Variants in CSPP1 observed in about 807,000 individuals in gnomAD.
CSPP1 encodes centrosome and spindle pole associated protein 1.
A neutral mutation model predicts 164.4 loss-of-function variants in CSPP1; 126 were observed. That is an observed-to-expected ratio of 0.77 (90% CI 0.66 to 0.89). CSPP1 has a LOEUF of 0.89. Ranked by LOEUF, CSPP1 falls within the 40% of genes least tolerant of loss-of-function variation. The pLI, the probability that CSPP1 is intolerant of heterozygous loss-of-function variation, is 0.00. For missense variants in CSPP1, 1,395 were observed against 1,449.8 expected (o/e 0.96, Z 0.61); for synonymous variants, 472 against 476.7 (o/e 0.99, Z 0.13).
At chr8:67,164,232 A>T (rs1828896167) in intron 23 of CSPP1, among the ~76,000 whole-genome samples, 159 bp from the exon 24 acceptor site, 1 of 152,202 alleles carries the variant, frequency 6.6e-6, no homozygotes, top group South Asian at 2.1e-4. Flanking sequence ...GTTCACAATT[A>T]TGATCCATGT....
intron 30 of CSPP1, among the ~76,000 whole-genome samples, chr8:67,194,800 G>C (rs997155364): frequency 1.3e-5 from 2 of 151,808 alleles, no homozygotes; most frequent in African/African-American, 4.8e-5. Context: ...CAATCAATCA[G>C]ATTCAATTAA....
At chr8:67,107,983 G>GTTTTTTTTTTTTTTTT (rs34204898) in intron 9 of CSPP1, among the ~76,000 whole-genome samples, 4 of 127,158 alleles carry the variant, frequency 3.1e-5, no homozygotes, top group African/African-American at 9.0e-5. Flanking sequence ...CTTTGACAAA[G>GTTTTTTTTTTTTTTTT]TTTTTTTTTT....
chr8:67,118,802 C>T lies in CSPP1; in HGVS notation c.1678C>T (p.Gln560Ter). Residue 560 changes from glutamine (Q) to a stop codon, truncating the protein, a stop_gained, in exon 15 of 31, where the codon CAA (glutamine) becomes TAA (stop). Coordinates refer to ENST00000678616, the MANE Select transcript of CSPP1 (RefSeq NM_001382391.1). LOFTEE classifies it high-confidence loss of function. ...AAYVSAPVTH[Q>*]LAQPVVNTVG... ...TTATGTTAGTGCTCCTGTCACCCACCAACTAGCACAACCTGTTGTGTAAGT... is the reference window on the plus strand; with the variant it reads ...TTATGTTAGTGCTCCTGTCACCCACTAACTAGCACAACCTGTTGTGTAAGT... 6.2e-7 allele frequency: 1 copy of T among 1,608,700 alleles called. No individual in the cohort carries two copies.
intron 15 of CSPP1, 72 bp from the exon 16 acceptor site, chr8:67,131,879 C>A: frequency 7.3e-7 from 1 of 1,368,348 alleles, no homozygotes; most frequent in Non-Finnish European, 9.9e-7. Context: ...CATGCTATTT[C>A]AAAAAACTGT....
rs1398251083 is a variant in CSPP1 at position 67,195,693 on chromosome 8, C to CTTTT, written c.*104_*107dup. 1 of 892,890 alleles carries CTTTT rather than the reference C, an allele frequency of 1.1e-6. No individual in the cohort carries two copies. Among genetic ancestry groups the CTTTT allele is most frequent in the Admixed American group, 2.6e-5 (1 of 38,652 alleles). 55.3% of individuals were successfully genotyped at this position (892,890 alleles called of 1,614,324 possible). A position where few individuals can be genotyped will look rare whatever the true frequency, so the allele number is the denominator to read the frequency against. ...ACTTTTGGCCCCTACCTGAAAGTTA[C>CTTTT]TTTTTTTCCATCATCTGTATATAAA... On this transcript the variant is annotated 3_prime_UTR_variant, in exon 31 of 31. Transcript: ENST00000678616.
chr8:67,065,559 ATTC>A lies in CSPP1; in HGVS notation c.-11+1026_-11+1028del, dbSNP rs562520677. On this transcript the variant is annotated intron_variant, in intron 1 of 30. Transcript: ENST00000678616. Reference sequence around the variant, plus strand: ...TGAGGTATTTTCTTTTCTCCATATCATTCTTCTCCCTAGGAGGTCGCTAGCTTT... The same window carrying A: ...TGAGGTATTTTCTTTTCTCCATATCATTCTCCCTAGGAGGTCGCTAGCTTT... 949 of 964,976 alleles carry A rather than the reference ATTC, an allele frequency of 9.8e-4. 12 individuals carry two copies. The African/African-American group carries it at 0.016, about 16-fold the overall frequency. 59.8% of individuals were successfully genotyped at this position (964,976 alleles called of 1,614,324 possible). A position where few individuals can be genotyped will look rare whatever the true frequency, so the allele number is the denominator to read the frequency against.
At chr8:67,089,031 A>G (rs1811068885) in intron 4 of CSPP1, among the ~76,000 whole-genome samples, 2 of 152,192 alleles carry the variant, frequency 1.3e-5, no homozygotes, top group African/African-American at 4.8e-5. Context: ...CACAGACTAT[A>G]GGGAGCTGGC....
In CSPP1 at chr8:67,120,310, G is replaced by T. The variant is rs187223862; in HGVS notation, c.1697+1489G>T. ...GAAATCAGAAAATGTGAGTGCTACA[G>T]CTTTGTTCTTTTTCAAAATTGTTTT... On this transcript the variant is annotated intron_variant, in intron 15 of 30. Coordinates refer to ENST00000678616, the MANE Select transcript of CSPP1 (RefSeq NM_001382391.1). Among the ~76,000 whole-genome samples, 9 of 152,244 alleles carry T rather than the reference G, an allele frequency of 5.9e-5. No homozygotes were observed. In the East Asian group the frequency reaches 1.7e-3, roughly 29 times the overall value.
In CSPP1 at chr8:67,168,320, G is replaced by A. The variant is rs1214213674; in HGVS notation, c.2828+3812G>A. 7.2e-4 allele frequency among the ~76,000 whole-genome samples: 107 copies of A among 149,378 alleles called. 2 individuals are homozygous for A. Among genetic ancestry groups the A allele is most frequent in the South Asian group, 1.1e-3 (5 of 4,608 alleles). ...GGGAGAGGGAGGCCGTGGGGGAGAC[G>A]GGAGAGGGGGAGGGGGAGGGGGAGA... is the stretch of plus-strand genomic sequence containing the variant. On this transcript the variant is annotated intron_variant, in intron 24 of 30. Coordinates refer to ENST00000678616, the MANE Select transcript of CSPP1 (RefSeq NM_001382391.1).
chr8:67,182,852 GA>G (rs1313655504), intron 28 of CSPP1, among the ~76,000 whole-genome samples: 1 of 152,096 alleles, frequency 6.6e-6, no homozygotes, highest in Non-Finnish European at 1.5e-5. Context: ...TGAGTTGTGG[GA>G]GTTCTTTATT....
intron 8 of CSPP1, 65 bp from the exon 9 acceptor site, chr8:67,105,840 A>G (rs1476383795): frequency 1.5e-5 from 13 of 867,112 alleles, no homozygotes; most frequent in Non-Finnish European, 2.5e-5. Flanking sequence ...TTTACTCTGA[A>G]ATTTTGCTTC....
intron 17 of CSPP1, among the ~76,000 whole-genome samples, chr8:67,145,915 G>T (rs1209475544): frequency 3.0e-4 from 45 of 151,990 alleles, no homozygotes; most frequent in Non-Finnish European, 5.9e-5. Context: ...ATTTCCCTCT[G>T]AGTACTGTTT....
At chr8:67,142,936 G>A (rs1350019881) in intron 17 of CSPP1, among the ~76,000 whole-genome samples, 1 of 152,148 alleles carries the variant, frequency 6.6e-6, no homozygotes, top group Non-Finnish European at 1.5e-5. Context: ...TGCAAAGATG[G>A]TGTAGAGAGT....
At chr8:67,188,500 C>T (rs763840393) in intron 28 of CSPP1, among the ~76,000 whole-genome samples, 1 of 152,198 alleles carries the variant, frequency 6.6e-6, no homozygotes, top group African/African-American at 2.4e-5. Flanking sequence ...GGACAATGAT[C>T]GGGATATAAA....
In CSPP1 at chr8:67,190,585, G is replaced by C. The variant is rs376628823; in HGVS notation, c.3221-65G>C. ...AAATCTTAGTAATTAAAAGGCTCTT[G>C]GTTTAGCTCTGGGTAAGATTTGAAG... On this transcript the variant is annotated intron_variant, in intron 28 of 30. Transcript: ENST00000678616. The C allele has an allele frequency of 2.3e-5, 27 of 1,190,788 alleles. No individual in the cohort carries two copies. In the African/African-American group the frequency reaches 2.6e-4, roughly 11 times the overall value. The allele number at this position is 1,190,788 out of a possible 1,614,324, so 73.8% of individuals were successfully genotyped here.
intron 16 of CSPP1, among the ~76,000 whole-genome samples, chr8:67,133,286 T>C (rs1248411371): frequency 6.6e-6 from 1 of 152,236 alleles, no homozygotes; most frequent in Admixed American, 6.5e-5. Context: ...AGAACAACCC[T>C]GCGCTTATAC....
chr8:67,126,707 A>G (rs1820143576), intron 15 of CSPP1, among the ~76,000 whole-genome samples: 1 of 152,154 alleles, frequency 6.6e-6, no homozygotes, highest in Non-Finnish European at 1.5e-5. Flanking sequence ...GTGGCTTTCT[A>G]AATTCTCAGG....
intron 4 of CSPP1, among the ~76,000 whole-genome samples, chr8:67,088,085 C>G (rs553498581): frequency 2.6e-5 from 4 of 152,200 alleles, no homozygotes; most frequent in African/African-American, 9.6e-5. Context: ...CATTATCTTC[C>G]CCTTCCCTAC....
At chr8:67,178,024 A>G (rs1351115907) in intron 27 of CSPP1, among the ~76,000 whole-genome samples, 2 of 152,222 alleles carry the variant, frequency 1.3e-5, no homozygotes, top group Non-Finnish European at 2.9e-5. Context: ...CTGTAAAATG[A>G]GGATAATAGT....
Sources: gnomAD v4.1 joint callset for allele counts (sites outside exome capture counted in the v4.1 genomes callset) on GRCh38, gnomAD v4.1.1 for gene constraint, MANE v1.5 for transcripts, NCBI Gene and HGNC (gene_info 2026-07-23, HGNC 2026-07-21) for gene names.